The following VAV3 variants were observed in gnomAD, a reference collection of about 807,000 sequenced individuals.
VAV3 encodes the protein guanine nucleotide exchange factor VAV3.
In VAV3, 94 loss-of-function variants were observed where a neutral mutation model predicts 131.2. The ratio of observed to expected loss-of-function variants is 0.72; its 90% CI spans 0.61 to 0.85. The LOEUF (loss-of-function observed/expected upper bound fraction) is 0.85. Ranked by LOEUF, VAV3 falls within the 40% of genes least tolerant of loss-of-function variation. The pLI is 0.00. For missense variants in VAV3, 939 were observed against 1,002.7 expected, an observed-to-expected ratio of 0.94 and a Z score of 0.86; for synonymous variants, 349 against 342.0, an observed-to-expected ratio of 1.02 and a Z score of -0.22.
rs1663239996 is a variant in VAV3, at chr1:107,744,903, T to C, written c.1502+4065A>G. Among the ~76,000 whole-genome samples the C allele has an allele frequency of 3.3e-5, 5 of 152,210 alleles. No individual in the cohort carries two copies. The South Asian group carries it at 1.0e-3, about 32-fold the overall frequency. ...TACTGTAAATGATACAGCATCAAACTTGTACACATTTGCTCAAATGCTCCT... is the reference window on the plus strand; with the variant it reads ...TACTGTAAATGATACAGCATCAAACCTGTACACATTTGCTCAAATGCTCCT... On this transcript the variant is annotated intron_variant, in intron 15 of 26. Transcript: ENST00000370056.
chr1:107,736,776 T>C (rs1570862984), intron 15 of VAV3, among the ~76,000 whole-genome samples: 1 of 152,090 alleles, frequency 6.6e-6, no homozygotes, highest in African/African-American at 2.4e-5. Context: ...ATGGCCATAC[T>C]GCCCAAGGTA....
intron 15 of VAV3, among the ~76,000 whole-genome samples, chr1:107,742,818 T>G (rs1354551273): frequency 6.6e-6 from 1 of 152,186 alleles, no homozygotes; most frequent in Non-Finnish European, 1.5e-5. Flanking sequence ...GAGAAGGCAG[T>G]AAACAGGATG....
chr1:107,695,400 T>C (rs762875798), intron 17 of VAV3, among the ~76,000 whole-genome samples: 1 of 152,108 alleles, frequency 6.6e-6, no homozygotes, highest in Non-Finnish European at 1.5e-5. Context: ...AACACCATTA[T>C]CAATGCATCC....
chr1:107,816,183 G>T lies in VAV3; in HGVS notation c.322-36691C>A, dbSNP rs528146316. Reference sequence around the variant, plus strand: ...ACCTCTGGCCTAACAGAAAGGCAATGTGATGTATAAACAAAAGATCATGAG... The same window carrying T: ...ACCTCTGGCCTAACAGAAAGGCAATTTGATGTATAAACAAAAGATCATGAG... On this transcript the variant is annotated intron_variant, in intron 2 of 26. Transcript: ENST00000370056. Among the ~76,000 whole-genome samples, 7 of 152,258 alleles carry T rather than the reference G, an allele frequency of 4.6e-5. 1 individual carries two copies. The South Asian group carries it at 1.5e-3, about 32-fold the overall frequency.
At chr1:107,924,382 G>A (rs1200925216) in intron 1 of VAV3, among the ~76,000 whole-genome samples, 3 of 145,892 alleles carry the variant, frequency 2.1e-5, no homozygotes, top group African/African-American at 5.1e-5. Context: ...CCCTCCAGTC[G>A]ATATTATGAC....
In VAV3 at chr1:107,795,753, G is replaced by T. The variant is rs181906604; in HGVS notation, c.322-16261C>A. On this transcript the variant is annotated intron_variant, in intron 2 of 26. Transcript: ENST00000370056. The stretch of plus-strand genomic sequence containing the variant: ...TAATAGTTTAGAAACAGAAATGTGA[G>T]CTGATGTGAAGAGCCCTATATAAAG... 1.6e-3 allele frequency among the ~76,000 whole-genome samples: 239 copies of T among 152,344 alleles called. 1 individual carries two copies. Among genetic ancestry groups the T allele is most frequent in the African/African-American group, 5.3e-3 (219 of 41,584 alleles).
At chr1:107,872,494 T>A (rs1222457050) in intron 2 of VAV3, among the ~76,000 whole-genome samples, 1 of 152,120 alleles carries the variant, frequency 6.6e-6, no homozygotes, top group Non-Finnish European at 1.5e-5. Flanking sequence ...CCTATCCACA[T>A]CCTGTTAAAA....
chr1:107,588,961 G>A (rs1570568851), intron 25 of VAV3, among the ~76,000 whole-genome samples: 1 of 152,032 alleles, frequency 6.6e-6, no homozygotes, highest in Admixed American at 6.6e-5. Context: ...AGAAAGATAA[G>A]GCATTTCACC....
At chr1:107,661,757 T>C (rs920681585) in intron 19 of VAV3, among the ~76,000 whole-genome samples, 1 of 152,184 alleles carries the variant, frequency 6.6e-6, no homozygotes, top group African/African-American at 2.4e-5. Context: ...TATGGGGCCA[T>C]TCTGCGTGTA....
chr1:107,757,153 A>G (rs901016404), intron 11 of VAV3, 108 bp downstream of exon 11: 220 of 593,116 alleles, frequency 3.7e-4, no homozygotes, highest in African/African-American at 2.5e-3. Flanking sequence ...ATGTGTGTAT[A>G]TGTGTGTGTG....
chr1:107,903,305 A>C (rs747498374), intron 1 of VAV3, among the ~76,000 whole-genome samples: 4 of 152,202 alleles, frequency 2.6e-5, no homozygotes, highest in African/African-American at 4.8e-5. Context: ...AAGTAGACCA[A>C]ATAATCTTTG....
At chr1:107,842,586 T>G (rs1365663327) in intron 2 of VAV3, among the ~76,000 whole-genome samples, 1 of 152,242 alleles carries the variant, frequency 6.6e-6, no homozygotes, top group African/African-American at 2.4e-5. Flanking sequence ...AAACTGTTCT[T>G]GTTCACAGCA....
chr1:107,845,444 A>C (rs1403350413), intron 2 of VAV3, among the ~76,000 whole-genome samples: 1 of 152,210 alleles, frequency 6.6e-6, no homozygotes, highest in African/African-American at 2.4e-5. Flanking sequence ...TGGAAAGAGA[A>C]TGAGTTTGAC....
intron 26 of VAV3, 38 bp from the exon 27 acceptor site, chr1:107,573,410 T>G (rs1649388071): frequency 6.2e-7 from 1 of 1,612,124 alleles, no homozygotes; most frequent in African/African-American, 1.3e-5. Context: ...AACATGACTT[T>G]GTATCTGACA....
intron 1 of VAV3, among the ~76,000 whole-genome samples, chr1:107,929,670 A>G (rs958059192): frequency 2.0e-5 from 3 of 152,242 alleles, no homozygotes; most frequent in African/African-American, 7.2e-5. Flanking sequence ...ATAAAGAGTT[A>G]AAAAGTGGAG....
chr1:107,623,179 C>A (rs551128348), intron 20 of VAV3, among the ~76,000 whole-genome samples: 1 of 152,254 alleles, frequency 6.6e-6, no homozygotes, highest in East Asian at 1.9e-4. Context: ...CTATTTCTAG[C>A]TCTGCTATAA....
rs542573800 is a variant in VAV3, at chr1:107,681,261, C to T, written c.1777+2227G>A. 7.2e-5 allele frequency among the ~76,000 whole-genome samples: 11 copies of T among 152,242 alleles called. No homozygotes were observed. The South Asian group carries it at 2.3e-3, about 32-fold the overall frequency. On this transcript the variant is annotated intron_variant, in intron 19 of 26. Transcript: ENST00000370056. ...GTAGGATAAAAAAAAATCAAAGGAA[C>T]TTCCATGGTAGAAATACTAACAGCA...
chr1:107,670,258 G>A (rs192264382), intron 19 of VAV3, among the ~76,000 whole-genome samples: 155 of 152,270 alleles, frequency 1.0e-3, no homozygotes, highest in African/African-American at 3.5e-3. Context: ...CAAGCACTGA[G>A]CTTGAAGTGC....
intron 19 of VAV3, chr1:107,669,466 G>A (rs1657628905): frequency 6.2e-6 from 8 of 1,287,592 alleles, no homozygotes; most frequent in Non-Finnish European, 8.1e-6. Context: ...AAGGAGACAG[G>A]GCACATCTAA....
Sources: allele counts gnomAD v4.1 joint callset (sites outside exome capture counted in the v4.1 genomes callset), GRCh38; gene constraint gnomAD v4.1.1; transcripts MANE v1.5; gene names NCBI Gene and HGNC (gene_info 2026-07-23, HGNC 2026-07-21).